RNF10: variants seen among roughly 807,000 people sequenced by gnomAD.
RNF10 encodes the protein E3 ubiquitin-protein ligase RNF10.
RNF10 carries 38 observed loss-of-function variants against 91.4 expected under a neutral mutation model. The observed-to-expected ratio is 0.42, with a 90% CI of 0.32 to 0.54. The LOEUF is 0.54. Ranked by LOEUF, RNF10 falls within the 20% of genes least tolerant of loss-of-function variation. The pLI is 0.16. For missense variants in RNF10, 945 were observed against 1,012.0 expected, an observed-to-expected ratio of 0.93 and a Z score of 0.90; for synonymous variants, 364 against 366.3, an observed-to-expected ratio of 0.99 and a Z score of 0.07.
intron 3 of RNF10, among the ~76,000 whole-genome samples, chr12:120,553,145 G>A (rs1054829315): frequency 1.5e-5 from 2 of 131,086 alleles, no homozygotes; most frequent in Non-Finnish European, 3.1e-5. Context: ...GTGCGGTGGC[G>A]TGATCTCGGC....
intron 14 of RNF10, 83 bp from the exon 15 acceptor site, chr12:120,575,548 C>T: frequency 6.8e-7 from 1 of 1,462,492 alleles, no homozygotes; most frequent in Non-Finnish European, 9.6e-7. Flanking sequence ...TTCTGTGCCT[C>T]TCCAGTTAGT....
chr12:120,544,144 T>A (rs1366489929), intron 1 of RNF10, among the ~76,000 whole-genome samples: 2 of 151,780 alleles, frequency 1.3e-5, no homozygotes, highest in African/African-American at 4.8e-5. Flanking sequence ...GGAGAATTGC[T>A]GGAACCCGGG....
chr12:120,576,432 C>T (rs1877401075), intron 16 of RNF10, among the ~76,000 whole-genome samples, 158 bp from the exon 17 acceptor site: 1 of 152,196 alleles, frequency 6.6e-6, no homozygotes, highest in African/African-American at 2.4e-5. Flanking sequence ...CCCAAAGACA[C>T]CCACTTGGTG....
At chr12:120,576,440 G>A (rs1199888034) in intron 16 of RNF10, 150 bp from the exon 17 acceptor site, 4 of 1,229,844 alleles carry the variant, frequency 3.3e-6, no homozygotes, top group East Asian at 2.6e-5. Context: ...CACCCACTTG[G>A]TGTATACCAA....
At chr12:120,546,765 CCTCCTTTTTT>C (rs1332965391) in intron 2 of RNF10, among the ~76,000 whole-genome samples, 164 bp downstream of exon 2, 1 of 152,150 alleles carries the variant, frequency 6.6e-6, no homozygotes, top group Non-Finnish European at 1.5e-5. Flanking sequence ...TGAAACCTTG[CCTCCTTTTTT>C]CCCCTGAAGG....
At position 120,575,783 on chromosome 12, in the gene RNF10, A is replaced by AT. The variant is rs1877309206; in HGVS notation, c.2201-3dup. On this transcript the variant is annotated splice_polypyrimidine_tract_variant and intron_variant, in intron 15 of 16. Transcript: ENST00000325954. ...TTGTTTCTATAGTTTTAACACTGGT[A>AT]TTTTTTAGATGAGAACAGCTTAGTT... 6.2e-7 allele frequency: 1 copy of AT among 1,614,140 alleles called. No individual in the cohort carries two copies. The highest frequency in any genetic ancestry group is 8.5e-7 in the Non-Finnish European group (1 of 1,179,994).
intron 1 of RNF10, among the ~76,000 whole-genome samples, chr12:120,538,567 A>G (rs1871151756): frequency 6.6e-6 from 1 of 152,218 alleles, no homozygotes; most frequent in African/African-American, 2.4e-5. Flanking sequence ...TTCTGAGAAC[A>G]TGCAGCAGTA....
intron 4 of RNF10, among the ~76,000 whole-genome samples, chr12:120,555,369 A>T (rs1873821764): frequency 6.6e-6 from 1 of 151,126 alleles, no homozygotes; most frequent in Non-Finnish European, 1.5e-5. Context: ...TTTAGTAGAG[A>T]CGGGGTTTCA....
chr12:120,549,649 A>T (rs1397259577), intron 2 of RNF10, among the ~76,000 whole-genome samples: 1 of 152,004 alleles, frequency 6.6e-6, no homozygotes, highest in Non-Finnish European at 1.5e-5. Flanking sequence ...ACCGGGCGTG[A>T]TGGCAGGTGC....
At chr12:120,570,663 TG>T (rs1228095398) in intron 13 of RNF10, among the ~76,000 whole-genome samples, 1 of 152,184 alleles carries the variant, frequency 6.6e-6, no homozygotes, top group African/African-American at 2.4e-5. Context: ...CTAGTCAGAA[TG>T]GATAGAGAAG....
At chr12:120,573,045 G>A (rs1876901180) in intron 14 of RNF10, among the ~76,000 whole-genome samples, 1 of 151,524 alleles carries the variant, frequency 6.6e-6, no homozygotes, top group South Asian at 2.1e-4. Context: ...CTATTTTGCT[G>A]TTATATATTT....
chr12:120,535,059 G>C, intron 1 of RNF10, 91 bp downstream of exon 1: 8 of 1,374,560 alleles, frequency 5.8e-6, no homozygotes, highest in Non-Finnish European at 7.7e-6. Flanking sequence ...CTCGGGGACA[G>C]GCTCCACTTT....
In RNF10 at chr12:120,534,819, T is replaced by A. The variant is rs754896684; in HGVS notation, c.8T>A (p.Leu3Gln). The A allele has an allele frequency of 6.3e-7, 1 of 1,584,142 alleles. No individual in the cohort carries two copies. Among genetic ancestry groups the A allele is most frequent in the Non-Finnish European group, 8.5e-7 (1 of 1,171,324 alleles). The change falls in exon 1 of 17, where the codon CTG becomes CAG. Residue 3 changes from leucine (L) to glutamine (Q), a missense_variant. Transcript: ENST00000325954. MP[L>Q]SSPNAAATAS... is the part of the protein sequence containing the mutation. ...CCGCCGAGGCCCCCGTTGATGCCGC[T>A]GAGCTCCCCCAACGCCGCCGCCACC...
intron 1 of RNF10, among the ~76,000 whole-genome samples, chr12:120,539,940 A>G (rs1195143150): frequency 1.3e-5 from 2 of 151,640 alleles, no homozygotes; most frequent in African/African-American, 2.4e-5. Context: ...GGTTTAAGCA[A>G]TTCTTCTGCC....
intron 12 of RNF10, 127 bp from the exon 13 acceptor site, chr12:120,566,698 G>A: frequency 1.2e-6 from 1 of 859,398 alleles, no homozygotes; most frequent in Non-Finnish European, 1.8e-6. Context: ...GGAGGCAGAG[G>A]ATGCAGTGAA....
intron 6 of RNF10, among the ~76,000 whole-genome samples, chr12:120,558,351 T>G (rs1467345468): frequency 1.3e-5 from 2 of 152,026 alleles, no homozygotes; most frequent in Non-Finnish European, 2.9e-5. Flanking sequence ...AAGGATTGTG[T>G]GTTCTCATTT....
intron 13 of RNF10, among the ~76,000 whole-genome samples, chr12:120,567,339 A>AT (rs869284467): frequency 6.6e-6 from 1 of 151,882 alleles, no homozygotes; most frequent in Non-Finnish European, 1.5e-5. Flanking sequence ...ATAGCTCAAA[A>AT]AAAAAAAACA....
At chr12:120,550,838 C>T (rs1253263666) in intron 2 of RNF10, among the ~76,000 whole-genome samples, 3 of 151,898 alleles carry the variant, frequency 2.0e-5, no homozygotes, top group Non-Finnish European at 2.9e-5. Flanking sequence ...CCTCGTGATC[C>T]GCCCGCCTCA....
chr12:120,565,455 G>A lies in RNF10; in HGVS notation c.1811G>A (p.Arg604His), dbSNP rs1179227986. The stretch of plus-strand genomic sequence containing the variant: ...GACATTGAGAAGAGGAAACGTCAGC[G>A]CCAAAAGAAGGCTCGGGAGGAACGC... ...SDDIEKRKRQ[R>H]QKKAREERRR... is the part of the protein sequence containing the mutation. The change falls in exon 12 of 17, where the codon CGC becomes CAC. Residue 604 changes from arginine to histidine, a missense_variant. Transcript: ENST00000325954. 1 of 1,614,000 alleles carries A rather than the reference G, an allele frequency of 6.2e-7. No individual in the cohort carries two copies. The highest frequency in any genetic ancestry group is 1.1e-5 in the South Asian group (1 of 91,068).
Sources: allele counts gnomAD v4.1 joint callset (sites outside exome capture counted in the v4.1 genomes callset), GRCh38; gene constraint gnomAD v4.1.1; transcripts MANE v1.5; gene names NCBI Gene and HGNC (gene_info 2026-07-23, HGNC 2026-07-21).